The following COASY variants were observed in gnomAD, a reference collection of about 807,000 sequenced individuals.
COASY encodes bifunctional coenzyme A synthase.
COASY carries 31 observed loss-of-function variants against 49.4 expected under a neutral mutation model. The ratio of observed to expected loss-of-function variants is 0.63; its 90% CI spans 0.47 to 0.85. The LOEUF is 0.85. Among genes scored for constraint, COASY ranks in the 40% least tolerant of loss-of-function variants. COASY has a pLI of 0.00. For synonymous variants in COASY, 285 were observed against 310.9 expected (o/e 0.92, Z 0.88); for missense variants, 730 against 734.1 (o/e 0.99, Z 0.06).
rs758124303 is a variant in COASY, at chr17:42,565,270, C to A, written c.1346C>A (p.Ala449Glu). ...ACGGACATTATGTGGCCAATTATCG[C>A]AAAGCTGGCCCGAGAGGAGATGGAT... is the stretch of plus-strand genomic sequence containing the variant. ...ILTDIMWPII[A>E]KLAREEMDRA... The change falls in exon 6 of 9, where the codon GCA (alanine) becomes GAA (glutamate). Residue 449 changes from alanine to glutamate, a missense_variant. By Grantham distance (107) the Ala-to-Glu change is moderately radical. Coordinates refer to ENST00000393818, the MANE Select transcript of COASY (RefSeq NM_025233.7). 8.1e-6 allele frequency: 13 copies of A among 1,614,010 alleles called. No individual in the cohort carries two copies. The East Asian group carries it at 2.9e-4, about 36-fold the overall frequency.
In COASY at chr17:42,564,189, G is replaced by T; in HGVS notation, c.915+14G>T. On this transcript the variant is annotated intron_variant, in intron 2 of 8. Coordinates refer to ENST00000393818, the MANE Select transcript of COASY (RefSeq NM_025233.7). Reference sequence around the variant, plus strand: ...CGCCTTGAGAATGTAACCCCTGAGGGAGACTGGCAGAGGGAGTGGATGGGG... The same window carrying T: ...CGCCTTGAGAATGTAACCCCTGAGGTAGACTGGCAGAGGGAGTGGATGGGG... 2 of 1,612,140 alleles carry T rather than the reference G, an allele frequency of 1.2e-6. No individual in the cohort carries two copies. Among genetic ancestry groups the T allele is most frequent in the East Asian group, 4.5e-5 (2 of 44,870 alleles).
chr17:42,564,224 G>T (rs1051067681), intron 2 of COASY, 49 bp downstream of exon 2: 10 of 1,580,272 alleles, frequency 6.3e-6, no homozygotes, highest in Non-Finnish European at 7.8e-6. Flanking sequence ...GGACGGGGAA[G>T]GCCATTTTGA....
chr17:42,566,000 G>A lies in COASY; in HGVS notation c.*32G>A. The A allele has an allele frequency of 6.2e-7, 1 of 1,610,626 alleles. No homozygotes were observed. The highest frequency in any genetic ancestry group is 8.5e-7 in the Non-Finnish European group (1 of 1,177,374). ...CTCAGTGGGGCCAGACTGGCTCCTGGAGCTGACAAGCGACCCCGTGGTGAG... is the reference window on the plus strand; with the variant it reads ...CTCAGTGGGGCCAGACTGGCTCCTGAAGCTGACAAGCGACCCCGTGGTGAG... On this transcript the variant is annotated 3_prime_UTR_variant, in exon 9 of 9. Transcript: ENST00000393818.
In COASY at chr17:42,565,530, G is replaced by T. The variant is rs747905818; in HGVS notation, c.1447G>T (p.Val483Phe). Residue 483 changes from valine to phenylalanine, a missense_variant, in exon 7 of 9, where the codon GTC becomes TTC. Physicochemically the swap from Val to Phe is conservative, Grantham distance 50. Transcript: ENST00000393818. Reference protein sequence around the residue: ...VLLEAGWQNLVHEVWTAVIPE... With the variant: ...VLLEAGWQNLFHEVWTAVIPE... ...GCTTGAAGCCGGCTGGCAGAACCTGGTCCATGAGGTGTGGACTGCTGTCAT... is the reference window on the plus strand; with the variant it reads ...GCTTGAAGCCGGCTGGCAGAACCTGTTCCATGAGGTGTGGACTGCTGTCAT... 1 of 1,614,178 alleles carries T rather than the reference G, an allele frequency of 6.2e-7. No homozygotes were observed. The highest frequency in any genetic ancestry group is 8.5e-7 in the Non-Finnish European group (1 of 1,180,028).
In COASY at chr17:42,564,481, G is replaced by A; in HGVS notation, c.951G>A (p.Leu317=). 6.2e-7 allele frequency: 1 copy of A among 1,613,580 alleles called. No individual in the cohort carries two copies. The highest frequency in any genetic ancestry group is 2.2e-5 in the East Asian group (1 of 44,842). Reference sequence around the variant, plus strand: ...AACTTGCTTTGTACCAGATCCAGCTGCTGAAGGACCTCAGACATACAGAGA... The same window carrying A: ...AACTTGCTTTGTACCAGATCCAGCTACTGAAGGACCTCAGACATACAGAGA... The part of the protein sequence containing the change: ...LEELALYQIQ[L]LKDLRHTENE... Residue 317 remains leucine, a synonymous_variant, in exon 3 of 9, where the codon CTG becomes CTA. Transcript: ENST00000393818.
intron 1 of COASY, 104 bp downstream of exon 1, chr17:42,563,426 A>C: frequency 1.8e-6 from 2 of 1,090,838 alleles, no homozygotes; most frequent in Non-Finnish European, 2.6e-6. Context: ...ATTACTTCCC[A>C]CCCTTCCCAA....
At chr17:42,563,854 G>A in intron 1 of COASY, 107 bp from the exon 2 acceptor site, 1 of 843,848 alleles carries the variant, frequency 1.2e-6, no homozygotes, top group Non-Finnish European at 1.9e-6. Flanking sequence ...AACCCTTTCT[G>A]CCACCCCCTC....
Position 42,565,968 on chromosome 17 carries a change from A to G in COASY, c.1695A>G (p.Ter565TrpextTer25), listed in dbSNP as rs2093002819. The G allele has an allele frequency of 6.2e-7, 1 of 1,613,766 alleles. No individual in the cohort carries two copies. Among genetic ancestry groups the G allele is most frequent in the Non-Finnish European group, 8.5e-7 (1 of 1,180,018 alleles). ...CCAAGACTCATCAGGCCCTCGACTG[A>G]AAAGTTCTCAGTGGGGCCAGACTGG... ...RIPKTHQALD* is the reference protein window; with the variant it reads ...RIPKTHQALDW Residue 565 changes from the stop codon to tryptophan (W), a stop_lost, in exon 9 of 9, where the codon TGA becomes TGG. Coordinates refer to ENST00000393818, the MANE Select transcript of COASY (RefSeq NM_025233.7).
rs2092980296 is a variant in COASY at position 42,562,525 on chromosome 17, T to A, written c.-98T>A. 1 of 1,611,746 alleles carries A rather than the reference T, an allele frequency of 6.2e-7. No homozygotes were observed. Among genetic ancestry groups the A allele is most frequent in the African/African-American group, 1.3e-5 (1 of 74,838 alleles). ...ACCCCGTCCCTGCTCCAGGCCTCCT[T>A]CTCTGGGGTCCAAGGTCCCATACAG... On this transcript the variant is annotated 5_prime_UTR_variant, in exon 1 of 9. Transcript: ENST00000393818.
Position 42,562,986 on chromosome 17 carries a change from G to C in COASY, c.364G>C (p.Asp122His). Residue 122 changes from aspartate to histidine, a missense_variant, in exon 1 of 9, where the codon GAT (aspartate) becomes CAT (histidine). By Grantham distance (81) the Asp-to-His change is moderately conservative (BLOSUM62 -1). Transcript: ENST00000393818. The stretch of plus-strand genomic sequence containing the variant: ...CGTGTTGACAGATTTCCAGACCCTG[G>C]ATGGAAGCCAGTACAACCCGGTCAA... ...EVVLTDFQTL[D>H]GSQYNPVKQQ... 6.2e-7 allele frequency: 1 copy of C among 1,614,152 alleles called. No homozygotes were observed. The highest frequency in any genetic ancestry group is 1.1e-5 in the South Asian group (1 of 91,084).
rs1388945044 is a variant in COASY, at chr17:42,565,575, C to T, written c.1485+7C>T. ...TGTCATCCCAGAGACTGAGGTATCT[C>T]GCCCCACCCCCCACACCATCCCTAC... On this transcript the variant is annotated splice_region_variant and intron_variant, in intron 7 of 8. Coordinates refer to ENST00000393818, the MANE Select transcript of COASY (RefSeq NM_025233.7). 1.9e-6 allele frequency: 3 copies of T among 1,614,020 alleles called. No homozygotes were observed. Among genetic ancestry groups the T allele is most frequent in the Admixed American group, 1.7e-5 (1 of 60,012 alleles).
In COASY at chr17:42,564,488, G is replaced by C; in HGVS notation, c.958G>C (p.Asp320His). 1 of 1,613,570 alleles carries C rather than the reference G, an allele frequency of 6.2e-7. No homozygotes were observed. Among genetic ancestry groups the C allele is most frequent in the Admixed American group, 1.7e-5 (1 of 59,962 alleles). ...TTTGTACCAGATCCAGCTGCTGAAG[G>C]ACCTCAGACATACAGAGAATGAAGA... Reference protein sequence around the residue: ...LALYQIQLLKDLRHTENEEDK... With the variant: ...LALYQIQLLKHLRHTENEEDK... The change falls in exon 3 of 9, where the codon GAC becomes CAC. Residue 320 changes from aspartate (D) to histidine (H), a missense_variant. Coordinates refer to ENST00000393818, the MANE Select transcript of COASY (RefSeq NM_025233.7).
chr17:42,564,235 G>A (rs2092991066), intron 2 of COASY, 60 bp downstream of exon 2: 4 of 1,541,294 alleles, frequency 2.6e-6, no homozygotes, highest in Non-Finnish European at 3.6e-6. Context: ...GCCATTTTGA[G>A]GGGGCTGTTG....
At chr17:42,563,566 C>A in intron 1 of COASY, 1 of 546,152 alleles carries the variant, frequency 1.8e-6, no homozygotes, top group Non-Finnish European at 3.2e-6. Context: ...TGCATTTTAG[C>A]AAGTTTTCCA....
intron 6 of COASY, 72 bp from the exon 7 acceptor site, chr17:42,565,399 T>A: frequency 6.2e-7 from 1 of 1,606,696 alleles, no homozygotes; most frequent in Non-Finnish European, 8.5e-7. Context: ...TGGGACTGTC[T>A]GTTCACCCTG....
In COASY at chr17:42,566,194, C is replaced by T; in HGVS notation, c.*226C>T. The T allele has an allele frequency of 1.7e-6, 1 of 583,094 alleles. No individual in the cohort carries two copies. The highest frequency in any genetic ancestry group is 3.1e-6 in the Non-Finnish European group (1 of 326,120). The allele number at this position is 583,094 out of a possible 1,614,324, so 36.1% of individuals were successfully genotyped here. A position where few individuals can be genotyped will look rare whatever the true frequency, so the allele number is the denominator to read the frequency against. On this transcript the variant is annotated 3_prime_UTR_variant, in exon 9 of 9. Coordinates refer to ENST00000393818, the MANE Select transcript of COASY (RefSeq NM_025233.7). ...GGAGCAGTCCCCTCCCCACTCTTGC[C>T]CATGGGTGACTCTTACCCACAGCTG...
Position 42,562,602 on chromosome 17 carries a change from C to T in COASY, c.-21C>T, listed in dbSNP as rs753921053. The T allele has an allele frequency of 1.3e-6, 2 of 1,539,570 alleles. No individual in the cohort carries two copies. The highest frequency in any genetic ancestry group is 8.7e-7 in the Non-Finnish European group (1 of 1,147,534). ...AGTCACCGTCGCCTCGTCTCCCTGA[C>T]TGTCCGCAGGCCTGGGCAGCATGGC... On this transcript the variant is annotated 5_prime_UTR_variant, in exon 1 of 9. Transcript: ENST00000393818.
intron 4 of COASY, 34 bp from the exon 5 acceptor site, chr17:42,564,949 C>T: frequency 1.9e-6 from 3 of 1,614,012 alleles, no homozygotes; most frequent in East Asian, 2.2e-5. Context: ...GCTAGCCAGG[C>T]CTCTGTGCTC....
rs148652390 is a variant in COASY, at chr17:42,564,085, C to G, written c.825C>G (p.Pro275=). ...TCCCCCTGCTGGACCCCTATGGGCC[C>G]GCTGGCTCTGACCCCTCCCTGGAGT... ...DVIPLLDPYG[P]AGSDPSLEFL... Residue 275 remains proline (P), a synonymous_variant, in exon 2 of 9, where the codon CCC becomes CCG. Transcript: ENST00000393818. 3 of 1,614,006 alleles carry G rather than the reference C, an allele frequency of 1.9e-6. No individual in the cohort carries two copies. The highest frequency in any genetic ancestry group is 2.5e-6 in the Non-Finnish European group (3 of 1,180,026).
Sources: gnomAD v4.1 joint callset for allele counts on GRCh38, gnomAD v4.1.1 for gene constraint, MANE v1.5 for transcripts, NCBI Gene and HGNC (gene_info 2026-07-23, HGNC 2026-07-21) for gene names.